Variants in MAP3K14 observed in about 807,000 individuals in gnomAD.
MAP3K14 encodes NF-kappa-beta-inducing kinase.
Under a neutral mutation model 99.2 loss-of-function variants are expected in MAP3K14, and 16 were observed. The observed-to-expected ratio is 0.16, with a 90% CI of 0.11 to 0.24. MAP3K14 has a LOEUF of 0.24. MAP3K14 is among the 10% of genes least tolerant of loss of function. MAP3K14 has a pLI of 1.00. For missense variants in MAP3K14, 784 were observed against 1,208.7 expected (o/e 0.65, Z 5.21); for synonymous variants, 462 against 492.4 (o/e 0.94, Z 0.82).
intron 2 of MAP3K14, among the ~76,000 whole-genome samples, chr17:45,289,884 T>G (rs910841981): frequency 6.6e-6 from 1 of 152,086 alleles, no homozygotes; most frequent in Non-Finnish European, 1.5e-5. Flanking sequence ...AGGGAAGGCG[T>G]TGGAGAGAGA....
At chr17:45,266,972 C>T (rs1011081667) in intron 13 of MAP3K14, 120 bp downstream of exon 13, 2 of 794,454 alleles carry the variant, frequency 2.5e-6, no homozygotes, top group African/African-American at 3.4e-5. Flanking sequence ...CATCACCCTC[C>T]CTTTACCCAC....
intron 10 of MAP3K14, chr17:45,270,842 G>A (rs1198765617): frequency 2.5e-6 from 2 of 791,486 alleles, no homozygotes; most frequent in Non-Finnish European, 4.1e-6. Flanking sequence ...GGACAGAAGA[G>A]AGTTCTCACC....
chr17:45,264,875 C>T (rs1026079708), intron 15 of MAP3K14, 75 bp from the exon 16 acceptor site: 7 of 1,492,568 alleles, frequency 4.7e-6, no homozygotes, highest in Non-Finnish European at 6.4e-6. Flanking sequence ...AAGACATCTC[C>T]TTCCAGCCAG....
At position 45,273,490 on chromosome 17, in the gene MAP3K14, TG is replaced by T; in HGVS notation, c.1657+12del. The stretch of plus-strand genomic sequence containing the variant: ...ATGCATTGGGGGGCACGGCAGTTGG[TG>T]GGGGGCCTTACCTGTGAGCAAGGAC... On this transcript the variant is annotated intron_variant, in intron 9 of 15. Transcript: ENST00000344686. 2.6e-6 allele frequency: 4 copies of T among 1,516,094 alleles called. No homozygotes were observed. Among genetic ancestry groups the T allele is most frequent in the Non-Finnish European group, 2.7e-6 (3 of 1,108,850 alleles). 93.9% of individuals were successfully genotyped at this position (1,516,094 alleles called of 1,614,324 possible). A position where few individuals can be genotyped will look rare whatever the true frequency, so the allele number is the denominator to read the frequency against.
At position 45,287,298 on chromosome 17, in the gene MAP3K14, A is replaced by G. The variant is rs1353066463; in HGVS notation, c.393T>C (p.Arg131=). ...TGCGACGCTTTCCCTTCCAACACAC[A>G]CGGGCCATTTTGCCCTCTGTAGCAT... ...VAHATEGKMA[R]VCWKGKRRSK... is the part of the protein sequence containing the mutation. The change falls in exon 4 of 16, where the codon CGT becomes CGC. Residue 131 remains arginine (R), a synonymous_variant. Transcript: ENST00000344686. The G allele has an allele frequency of 1.2e-6, 2 of 1,613,870 alleles. No individual in the cohort carries two copies. The highest frequency in any genetic ancestry group is 1.3e-5 in the African/African-American group (1 of 74,914).
intron 1 of MAP3K14, among the ~76,000 whole-genome samples, chr17:45,304,401 G>A (rs1172693659): frequency 6.6e-6 from 1 of 151,962 alleles, no homozygotes; most frequent in Non-Finnish European, 1.5e-5. Context: ...TCACTTATAC[G>A]TAATAATGGA....
chr17:45,288,597 C>T (rs545147416), intron 3 of MAP3K14, among the ~76,000 whole-genome samples: 3 of 152,114 alleles, frequency 2.0e-5, no homozygotes, highest in African/African-American at 7.2e-5. Context: ...AGGATGGTCT[C>T]GATCTCCTGA....
At chr17:45,294,542 C>A (rs1436548657) in intron 1 of MAP3K14, among the ~76,000 whole-genome samples, 1 of 152,244 alleles carries the variant, frequency 6.6e-6, no homozygotes, top group Non-Finnish European at 1.5e-5. Context: ...TTCCTCTAGT[C>A]TCCCTAGAAA....
intron 1 of MAP3K14, among the ~76,000 whole-genome samples, chr17:45,296,985 G>A (rs890459823): frequency 6.6e-6 from 1 of 152,220 alleles, no homozygotes; most frequent in African/African-American, 2.4e-5. Context: ...ATGGGGCACT[G>A]TGCCAGGAAC....
At chr17:45,287,127 G>C in intron 4 of MAP3K14, 27 bp downstream of exon 4, 1 of 1,608,308 alleles carries the variant, frequency 6.2e-7, no homozygotes, top group Non-Finnish European at 8.5e-7. Context: ...TGAACCTGGG[G>C]TCTGGGCAGT....
chr17:45,267,201 G>T lies in MAP3K14; in HGVS notation c.2327-3C>A. On this transcript the variant is annotated splice_polypyrimidine_tract_variant and splice_region_variant and intron_variant, in intron 12 of 15. Coordinates refer to ENST00000344686, the MANE Select transcript of MAP3K14 (RefSeq NM_003954.5). The surrounding 1 kb of genome is among the most constrained non-coding windows in gnomAD (Gnocchi z 5.1). ...GGACAGGCTGTTGAGGAATAATTCT[G>T]CAGGGAAAAGTGGAAGATGGCTGTG... 1 of 1,577,074 alleles carries T rather than the reference G, an allele frequency of 6.3e-7. No individual in the cohort carries two copies. The highest frequency in any genetic ancestry group is 8.6e-7 in the Non-Finnish European group (1 of 1,158,798).
chr17:45,270,343 C>T (rs1384424605), intron 11 of MAP3K14, 70 bp downstream of exon 11: 26 of 1,542,576 alleles, frequency 1.7e-5, no homozygotes, highest in African/African-American at 8.3e-5. Context: ...TCTGGACCTG[C>T]GCCCACCTGC....
rs2044047346 is a variant in MAP3K14 at position 45,264,201 on chromosome 17, GC to G, written c.*434del. On this transcript the variant is annotated 3_prime_UTR_variant, in exon 16 of 16. Coordinates refer to ENST00000344686, the MANE Select transcript of MAP3K14 (RefSeq NM_003954.5). ...GGTTCTGCACTGAACCTGAGTTTGG[GC>G]CCTTACACACTTGACACTCTCACAG... The G allele has an allele frequency of 6.3e-6, 1 of 159,784 alleles. No individual in the cohort carries two copies. Among genetic ancestry groups the G allele is most frequent in the Non-Finnish European group, 1.4e-5 (1 of 72,932 alleles). 9.9% of individuals were successfully genotyped at this position (159,784 alleles called of 1,614,324 possible). A position where few individuals can be genotyped will look rare whatever the true frequency, so the allele number is the denominator to read the frequency against.
Position 45,267,376 on chromosome 17 carries a change from G to C in MAP3K14, c.2326+30C>G, listed in dbSNP as rs763575771. ...GCGGGTGGCCCAGGGCCAGTGCTCA[G>C]GGCCCCACTGCAGCCACGGCTGCCC... is the stretch of plus-strand genomic sequence containing the variant. On this transcript the variant is annotated intron_variant, in intron 12 of 15. Coordinates refer to ENST00000344686, the MANE Select transcript of MAP3K14 (RefSeq NM_003954.5). This position sits in a 1 kb window ranked among gnomAD's most constrained non-coding sequence, Gnocchi z 5.1. 2 of 1,553,606 alleles carry C rather than the reference G, an allele frequency of 1.3e-6. No individual in the cohort carries two copies. Among genetic ancestry groups the C allele is most frequent in the African/African-American group, 1.4e-5 (1 of 73,084 alleles).
intron 1 of MAP3K14, among the ~76,000 whole-genome samples, chr17:45,291,243 T>G (rs1384927945): frequency 6.6e-6 from 1 of 152,188 alleles, no homozygotes; most frequent in African/African-American, 2.4e-5. Flanking sequence ...GCGACTTTTC[T>G]CCAAGTGGAG....
At chr17:45,288,449 C>T (rs2044285514) in intron 3 of MAP3K14, among the ~76,000 whole-genome samples, 2 of 149,634 alleles carry the variant, frequency 1.3e-5, no homozygotes, top group East Asian at 2.0e-4. Context: ...ACAATCTCGG[C>T]TCACTGCAAC....
intron 1 of MAP3K14, among the ~76,000 whole-genome samples, chr17:45,309,322 C>A (rs761592107): frequency 3.3e-5 from 5 of 152,220 alleles, no homozygotes; most frequent in Non-Finnish European, 7.3e-5. Flanking sequence ...AGTGCTGGCT[C>A]AGGCTGGAAA....
intron 1 of MAP3K14, among the ~76,000 whole-genome samples, chr17:45,298,981 G>C (rs1246982463): frequency 1.3e-5 from 2 of 152,150 alleles, no homozygotes; most frequent in African/African-American, 4.8e-5. Flanking sequence ...AAAAAGGAGA[G>C]GGTGTTCTGG....
intron 3 of MAP3K14, among the ~76,000 whole-genome samples, chr17:45,287,640 C>T (rs1206510092): frequency 6.6e-6 from 1 of 152,216 alleles, no homozygotes; most frequent in Non-Finnish European, 1.5e-5. Context: ...GGCCCCAAGG[C>T]AAGCTGCCGA....
Sources: gnomAD v4.1 joint callset for allele counts (sites outside exome capture counted in the v4.1 genomes callset) on GRCh38, gnomAD v4.1.1 for gene constraint, Gnocchi (gnomAD v3.1) non-coding constraint, MANE v1.5 for transcripts, NCBI Gene and HGNC (gene_info 2026-07-23, HGNC 2026-07-21) for gene names.